DCLRE1A: variants seen among roughly 807,000 people sequenced by gnomAD.
DCLRE1A encodes the protein DNA cross-link repair 1A protein.
Under a neutral mutation model 91.9 loss-of-function variants are expected in DCLRE1A, and 64 were observed. The ratio of observed to expected loss-of-function variants is 0.70; its 90% CI spans 0.57 to 0.86. DCLRE1A has a LOEUF of 0.86. DCLRE1A is among the 40% of genes least tolerant of loss of function. The pLI is 0.00. For synonymous variants in DCLRE1A, 416 were observed against 431.1 expected, an observed-to-expected ratio of 0.96 and a Z score of 0.43; for missense variants, 1,145 against 1,213.3, an observed-to-expected ratio of 0.94 and a Z score of 0.84.
At chr10:113,847,872 G>A (rs183424215) in intron 2 of DCLRE1A, among the ~76,000 whole-genome samples, 1 of 152,342 alleles carries the variant, frequency 6.6e-6, no homozygotes, top group Admixed American at 6.5e-5. Flanking sequence ...TAGAGGAGCA[G>A]TAATGAAGAA....
chr10:113,844,427 G>T (rs933647261), intron 4 of DCLRE1A, among the ~76,000 whole-genome samples, 183 bp from the exon 5 acceptor site: 17 of 152,176 alleles, frequency 1.1e-4, no homozygotes, highest in African/African-American at 4.1e-4. Flanking sequence ...TGGTGTGCAG[G>T]AAAGGCAGAC....
chr10:113,837,116 A>G lies in DCLRE1A; in HGVS notation c.2908T>C (p.Phe970Leu), dbSNP rs1321942898. The G allele has an allele frequency of 6.2e-7, 1 of 1,613,436 alleles. No individual in the cohort carries two copies. Among genetic ancestry groups the G allele is most frequent in the Non-Finnish European group, 8.5e-7 (1 of 1,179,690 alleles). The part of the protein sequence containing the change: ...RPTGWTHSNK[F>L]TRIADVIPQT... ...GGAATAACATCTGCTATTCTAGTGA[A>G]CTTGTTAGAGTGTGTCCATCCTGTA... The change falls in exon 8 of 9, where the codon TTC (phenylalanine) becomes CTC (leucine). Residue 970 changes from phenylalanine (F) to leucine (L), a missense_variant. Phe to Leu is a conservative substitution (Grantham distance 22). Transcript: ENST00000361384.
chr10:113,850,673 C>T (rs1589528841), intron 1 of DCLRE1A, 29 bp from the exon 2 acceptor site: 4 of 1,519,036 alleles, frequency 2.6e-6, no homozygotes, highest in East Asian at 4.6e-5. Flanking sequence ...AAAAATATTA[C>T]ACGATCAAAG....
In DCLRE1A at chr10:113,849,244, G is replaced by A. The variant is rs1236108254; in HGVS notation, c.1861C>T (p.Gln621Ter). 3.7e-6 allele frequency: 6 copies of A among 1,614,082 alleles called. No homozygotes were observed. Among genetic ancestry groups the A allele is most frequent in the Non-Finnish European group, 5.1e-6 (6 of 1,180,010 alleles). ...TCACTAGAAAGTTCCACAGAAAGCT[G>A]ACTCTCATGTAAAGTACTTGCATCA... ...EFDASTLHES[Q>*]LSVELSSERS... The change falls in exon 2 of 9, where the codon CAG becomes TAG. Residue 621 changes from glutamine (Q) to a stop codon, truncating the protein, a stop_gained. Coordinates refer to ENST00000361384, the MANE Select transcript of DCLRE1A (RefSeq NM_014881.5). LOFTEE classifies it high-confidence loss of function.
rs981377620 is a variant in DCLRE1A, at chr10:113,845,929, C to G, written c.2260-126G>C. ...TACTTATATTTAAGTAAACACTCCA[C>G]AATGCCAGGAAGAATTTCCTATAAT... On this transcript the variant is annotated intron_variant, in intron 3 of 8. Transcript: ENST00000361384. 6 of 824,862 alleles carry G rather than the reference C, an allele frequency of 7.3e-6. No homozygotes were observed. The African/African-American group carries it at 8.6e-5, about 12-fold the overall frequency. The allele number at this position is 824,862 out of a possible 1,614,324, so 51.1% of individuals were successfully genotyped here. A position where few individuals can be genotyped will look rare whatever the true frequency, so the allele number is the denominator to read the frequency against.
chr10:113,852,289 T>G (rs573175594), intron 1 of DCLRE1A, among the ~76,000 whole-genome samples: 1 of 152,208 alleles, frequency 6.6e-6, no homozygotes, highest in Non-Finnish European at 1.5e-5. Context: ...TGAGCCAAGA[T>G]AGCGCCACTG....
intron 3 of DCLRE1A, 146 bp downstream of exon 3, chr10:113,847,056 G>C (rs1447162416): frequency 2.6e-6 from 2 of 765,516 alleles, no homozygotes; most frequent in Non-Finnish European, 3.8e-6. Context: ...CTCGTTTTAA[G>C]TTTAGGACTT....
rs764013733 is a variant in DCLRE1A at position 113,849,022 on chromosome 10, C to T, written c.2083G>A (p.Gly695Arg). ...KKIPESSNVG[G>R]SRKKTCPFYK... ...AATGGACATGTCTTTTTTCTTGATC[C>T]TCCTACATTAGATGACTCTGGGATT... The change falls in exon 2 of 9, where the codon GGA (glycine) becomes AGA (arginine). Residue 695 changes from glycine to arginine, a missense_variant. By Grantham distance (125) the Gly-to-Arg change is moderately radical. Coordinates refer to ENST00000361384, the MANE Select transcript of DCLRE1A (RefSeq NM_014881.5). 2.5e-6 allele frequency: 4 copies of T among 1,612,470 alleles called. No individual in the cohort carries two copies. Among genetic ancestry groups the T allele is most frequent in the Admixed American group, 3.4e-5 (2 of 59,612 alleles).
In DCLRE1A at chr10:113,850,572, G is replaced by A. The variant is rs1190393643; in HGVS notation, c.533C>T (p.Ala178Val). The A allele has an allele frequency of 6.2e-7, 1 of 1,614,132 alleles. No individual in the cohort carries two copies. ...AGGATGATCACCAGCCCTGCTTTGAGCTAGCAGGAAGTGAGTGTATCTCTT... is the reference window on the plus strand; with the variant it reads ...AGGATGATCACCAGCCCTGCTTTGAACTAGCAGGAAGTGAGTGTATCTCTT... ...HYKRYTHFLL[A>V]QSRAGDHPFS... Residue 178 changes from alanine to valine, a missense_variant, in exon 2 of 9, where the codon GCT (alanine) becomes GTT (valine). Coordinates refer to ENST00000361384, the MANE Select transcript of DCLRE1A (RefSeq NM_014881.5).
chr10:113,849,594 C>A lies in DCLRE1A; in HGVS notation c.1511G>T (p.Cys504Phe), dbSNP rs1845605456. Reference protein sequence around the residue: ...LNAKNNTNSACFCRKALEGVP... With the variant: ...LNAKNNTNSAFFCRKALEGVP... ...ACCCTCTAATGCCTTTCTGCAGAAA[C>A]ATGCTGAGTTAGTATTATTCTTAGC... The change falls in exon 2 of 9, where the codon TGT (cysteine) becomes TTT (phenylalanine). Residue 504 changes from cysteine to phenylalanine, a missense_variant. By Grantham distance (205) the Cys-to-Phe change is radical. Coordinates refer to ENST00000361384, the MANE Select transcript of DCLRE1A (RefSeq NM_014881.5). The A allele has an allele frequency of 6.2e-7, 1 of 1,613,870 alleles. No individual in the cohort carries two copies. The highest frequency in any genetic ancestry group is 8.5e-7 in the Non-Finnish European group (1 of 1,180,000).
chr10:113,844,272 A>T, intron 4 of DCLRE1A, 28 bp from the exon 5 acceptor site: 4 of 1,612,382 alleles, frequency 2.5e-6, no homozygotes, highest in Non-Finnish European at 3.4e-6. Context: ...AGGAATGTTC[A>T]TAACACAGGC....
intron 6 of DCLRE1A, among the ~76,000 whole-genome samples, chr10:113,841,870 A>G (rs1328586070): frequency 6.6e-6 from 1 of 152,234 alleles, no homozygotes; most frequent in Non-Finnish European, 1.5e-5. Context: ...CAGCTTTATC[A>G]TCTTTAATGT....
chr10:113,846,841 CTT>C (rs148057699), intron 3 of DCLRE1A, among the ~76,000 whole-genome samples: 299 of 151,876 alleles, frequency 2.0e-3, no homozygotes, highest in African/African-American at 6.7e-3. Context: ...ATTTTTGAAT[CTT>C]TTCGGTTGCG....
At chr10:113,845,180 A>G (rs1261933687) in intron 4 of DCLRE1A, among the ~76,000 whole-genome samples, 1 of 152,130 alleles carries the variant, frequency 6.6e-6, no homozygotes, top group African/African-American at 2.4e-5. Flanking sequence ...ATAGTACTTT[A>G]TATTAAAAGA....
intron 2 of DCLRE1A, 91 bp from the exon 3 acceptor site, chr10:113,847,426 C>T (rs1282416368): frequency 1.6e-5 from 22 of 1,350,222 alleles, no homozygotes; most frequent in Non-Finnish European, 2.1e-5. Context: ...ATCCTCTTTA[C>T]CTCTTATTTC....
Position 113,843,250 on chromosome 10 carries a change from C to T in DCLRE1A, c.2520-762G>A, listed in dbSNP as rs540619911. Among the ~76,000 whole-genome samples, 86 of 152,222 alleles carry T rather than the reference C, an allele frequency of 5.6e-4. 1 individual carries two copies. Among genetic ancestry groups the T allele is most frequent in the African/African-American group, 1.9e-3 (81 of 41,546 alleles). On this transcript the variant is annotated intron_variant, in intron 5 of 8. Transcript: ENST00000361384. ...TTTCCCAATTTTCAGAATTGTTTTGCTAGTCAACTACTAGAGAAGAGTAAG... is the reference window on the plus strand; with the variant it reads ...TTTCCCAATTTTCAGAATTGTTTTGTTAGTCAACTACTAGAGAAGAGTAAG...
chr10:113,848,980 C>G lies in DCLRE1A; in HGVS notation c.2125G>C (p.Gly709Arg). The G allele has an allele frequency of 6.2e-7, 1 of 1,606,322 alleles. No individual in the cohort carries two copies. The highest frequency in any genetic ancestry group is 1.3e-5 in the African/African-American group (1 of 74,436). The change falls in exon 2 of 9, where the codon GGA (glycine) becomes CGA (arginine). Residue 709 changes from glycine (G) to arginine (R), a missense_variant and splice_region_variant. Coordinates refer to ENST00000361384, the MANE Select transcript of DCLRE1A (RefSeq NM_014881.5). ...KTCPFYKKIP[G>R]TGFTVDAFQY... is the part of the protein sequence containing the mutation. ...ATCGAGTATTGACATTTCAACTTAC[C>G]AGGTATTTTCTTATAGAATGGACAT... is the stretch of plus-strand genomic sequence containing the variant.
At position 113,839,152 on chromosome 10, in the gene DCLRE1A, C is replaced by T. The variant is rs537505971; in HGVS notation, c.2821-1949G>A. On this transcript the variant is annotated intron_variant, in intron 7 of 8. Coordinates refer to ENST00000361384, the MANE Select transcript of DCLRE1A (RefSeq NM_014881.5). ...CATCCTGGCTAACACGGTGAAACCC[C>T]ATCTCTACTAAAAATAGAAAAAATT... 9.2e-5 allele frequency among the ~76,000 whole-genome samples: 14 copies of T among 151,856 alleles called. No individual in the cohort carries two copies. In the East Asian group the frequency reaches 2.5e-3, roughly 27 times the overall value.
chr10:113,838,247 A>C lies in DCLRE1A; in HGVS notation c.2821-1044T>G, dbSNP rs544554729. Among the ~76,000 whole-genome samples the C allele has an allele frequency of 1.6e-4, 24 of 152,298 alleles. No homozygotes were observed. In the South Asian group the frequency reaches 4.8e-3, roughly 30 times the overall value. On this transcript the variant is annotated intron_variant, in intron 7 of 8. Transcript: ENST00000361384. The stretch of plus-strand genomic sequence containing the variant: ...TCTAGGACCTAGTTAATGTAATATT[A>C]TTTGTTTAATCACTATTCCTTCTGC...
Sources: allele counts gnomAD v4.1 joint callset (sites outside exome capture counted in the v4.1 genomes callset), GRCh38; gene constraint gnomAD v4.1.1; transcripts MANE v1.5; gene names NCBI Gene and HGNC (gene_info 2026-07-23, HGNC 2026-07-21).